LRP2: variants seen among roughly 807,000 people sequenced by gnomAD.
LRP2 encodes LDL receptor related protein 2.
LRP2 carries 172 observed loss-of-function variants against 531.0 expected under a neutral mutation model. That is an observed-to-expected ratio of 0.32 (90% confidence interval 0.29 to 0.37). The LOEUF is 0.37. Among genes scored for constraint, LRP2 ranks in the 10% least tolerant of loss-of-function variants. The pLI, the probability that LRP2 is intolerant of heterozygous loss-of-function variation, is 1.00. For missense variants in LRP2, 5,167 were observed against 5,868.3 expected, an observed-to-expected ratio of 0.88 and a Z score of 3.90; for synonymous variants, 1,992 against 2,027.6, an observed-to-expected ratio of 0.98 and a Z score of 0.47.
Position 169,226,338 on chromosome 2 carries a change from C to T in LRP2, c.5394+84G>A, listed in dbSNP as rs929959876. On this transcript the variant is annotated intron_variant, in intron 32 of 78. Transcript: ENST00000649046. ...CATTGTTTCCCTTTTACTCACATGACAAAAGTTTGCTTATAAGAAAACATC... is the reference window on the plus strand; with the variant it reads ...CATTGTTTCCCTTTTACTCACATGATAAAAGTTTGCTTATAAGAAAACATC... The T allele has an allele frequency of 4.4e-6, 5 of 1,137,788 alleles. No individual in the cohort carries two copies. In the African/African-American group the frequency reaches 6.2e-5, roughly 14 times the overall value. 70.5% of individuals were successfully genotyped at this position (1,137,788 alleles called of 1,614,324 possible). A position where few individuals can be genotyped will look rare whatever the true frequency, so the allele number is the denominator to read the frequency against.
Position 169,225,473 on chromosome 2 carries a change from G to C in LRP2, c.5395-20C>G. 1 of 1,613,628 alleles carries C rather than the reference G, an allele frequency of 6.2e-7. No homozygotes were observed. Among genetic ancestry groups the C allele is most frequent in the Non-Finnish European group, 8.5e-7 (1 of 1,179,782 alleles). On this transcript the variant is annotated intron_variant, in intron 32 of 78. Transcript: ENST00000649046. ...TTCACCCTGGAAAGAAAGACAAGGG[G>C]AGGTGAGCAGTTCCAAGGCCATGGC...
chr2:169,129,121 T>C (rs1421447256), intron 77 of LRP2, 37 bp from the exon 78 acceptor site: 2 of 1,391,234 alleles, frequency 1.4e-6, no homozygotes, highest in Admixed American at 1.7e-5. Context: ...CTCTCAGTAA[T>C]GGAATTATTT....
intron 35 of LRP2, among the ~76,000 whole-genome samples, chr2:169,215,421 CGA>C (rs1553498212): frequency 6.6e-6 from 1 of 152,050 alleles, no homozygotes; most frequent in Non-Finnish European, 1.5e-5. Context: ...AATGAGTGAA[CGA>C]GACTTTATAG....
At chr2:169,287,694 T>C (rs965033639) in intron 9 of LRP2, among the ~76,000 whole-genome samples, 5 of 151,554 alleles carry the variant, frequency 3.3e-5, no homozygotes, top group African/African-American at 1.2e-4. Flanking sequence ...TTTCTGGCTA[T>C]GAGTAGTTGT....
intron 1 of LRP2, among the ~76,000 whole-genome samples, chr2:169,342,426 C>T (rs186780280): frequency 2.8e-4 from 42 of 152,246 alleles, no homozygotes; most frequent in African/African-American, 9.6e-4. Flanking sequence ...ATCTGTCACC[C>T]AGATAATCCC....
At chr2:169,284,193 C>T (rs747792321) in intron 9 of LRP2, among the ~76,000 whole-genome samples, 1 of 151,644 alleles carries the variant, frequency 6.6e-6, no homozygotes, top group Non-Finnish European at 1.5e-5. Flanking sequence ...CTGGGTGGCC[C>T]ACCATTCCAT....
At chr2:169,293,764 A>G (rs1396402788) in intron 6 of LRP2, among the ~76,000 whole-genome samples, 2 of 152,086 alleles carry the variant, frequency 1.3e-5, no homozygotes, top group Admixed American at 1.3e-4. Flanking sequence ...AGTTAGAGCC[A>G]CTCCTAGGAA....
At chr2:169,152,155 C>G (rs1052125470) in intron 67 of LRP2, among the ~76,000 whole-genome samples, 2 of 152,146 alleles carry the variant, frequency 1.3e-5, no homozygotes, top group South Asian at 2.1e-4. Flanking sequence ...TGATGATAAC[C>G]CTACTTAAGT....
chr2:169,180,288 A>T (rs867624575), intron 52 of LRP2, among the ~76,000 whole-genome samples: 2 of 152,242 alleles, frequency 1.3e-5, no homozygotes, highest in African/African-American at 4.8e-5. Context: ...GAGAGGATAC[A>T]CACACTGTGG....
In LRP2 at chr2:169,244,812, T is replaced by C. The variant is rs144906000; in HGVS notation, c.3311A>G (p.His1104Arg). ...GGTGTCAAGGCAGGAAGCAGGTGCG[T>C]GGGTGGGGCAGTTGTGCTCATCACT... is the stretch of plus-strand genomic sequence containing the variant. ...DGSDEHNCPTHAPASCLDTQY... is the reference protein window; with the variant it reads ...DGSDEHNCPTRAPASCLDTQY... The change falls in exon 22 of 79, where the codon CAC becomes CGC. Residue 1104 changes from histidine to arginine, a missense_variant. Physicochemically the swap from His to Arg is conservative, Grantham distance 29. Around this residue, in one of 6 missense-constraint regions of LRP2, gnomAD observed 2,811 missense variants for 3,058.0 expected, o/e 0.92. Transcript: ENST00000649046. 195 of 1,614,250 alleles carry C rather than the reference T, an allele frequency of 1.2e-4. No individual in the cohort carries two copies. The African/African-American group carries it at 2.1e-3, about 18-fold the overall frequency.
intron 52 of LRP2, 42 bp from the exon 53 acceptor site, chr2:169,178,068 C>T (rs1475086282): frequency 8.7e-6 from 12 of 1,374,778 alleles, no homozygotes; most frequent in Non-Finnish European, 1.2e-5. Context: ...AAAGGTAATT[C>T]CTCTCCTCTA....
intron 37 of LRP2, among the ~76,000 whole-genome samples, chr2:169,210,082 G>A (rs1688540910): frequency 6.6e-6 from 1 of 152,082 alleles, no homozygotes; most frequent in Admixed American, 6.6e-5. Context: ...TATTTAAAAA[G>A]TAAACCGGGG....
chr2:169,137,279 C>T (rs1319335582), intron 76 of LRP2, 113 bp downstream of exon 76: 1 of 825,762 alleles, frequency 1.2e-6, no homozygotes, highest in Non-Finnish European at 2.1e-6. Context: ...ATGGACCACT[C>T]ACTATGCTTC....
chr2:169,129,649 T>C (rs1174065167), intron 77 of LRP2, among the ~76,000 whole-genome samples: 1 of 152,210 alleles, frequency 6.6e-6, no homozygotes, highest in Non-Finnish European at 1.5e-5. Context: ...TTTCTGATTT[T>C]TTTTAACAAA....
At chr2:169,153,276 A>G (rs1331418034) in intron 66 of LRP2, among the ~76,000 whole-genome samples, 1 of 152,226 alleles carries the variant, frequency 6.6e-6, no homozygotes, top group Non-Finnish European at 1.5e-5. Flanking sequence ...CTAGTTTCCA[A>G]AACAGAATGT....
At chr2:169,193,965 T>C in intron 46 of LRP2, 73 bp from the exon 47 acceptor site, 3 of 1,544,986 alleles carry the variant, frequency 1.9e-6, no homozygotes, top group South Asian at 1.1e-5. Context: ...AAGCTGGTTG[T>C]AGCATGGGTT....
At chr2:169,256,473 G>A (rs1227639240) in intron 18 of LRP2, among the ~76,000 whole-genome samples, 1 of 151,968 alleles carries the variant, frequency 6.6e-6, no homozygotes, top group African/African-American at 2.4e-5. Context: ...TGCTATCTTT[G>A]AGCCAGAAAT....
chr2:169,173,025 T>A, intron 57 of LRP2, 71 bp downstream of exon 57: 1 of 1,577,508 alleles, frequency 6.3e-7, no homozygotes, highest in Non-Finnish European at 8.7e-7. Context: ...CTCTCATCTC[T>A]CATCTAATAA....
intron 9 of LRP2, among the ~76,000 whole-genome samples, chr2:169,288,686 A>T (rs533764274): frequency 3.9e-5 from 6 of 152,354 alleles, no homozygotes; most frequent in Admixed American, 2.0e-4. Flanking sequence ...TCATGGAAGT[A>T]GTTCAGTATT....
Sources: allele counts gnomAD v4.1 joint callset (sites outside exome capture counted in the v4.1 genomes callset), GRCh38; gene constraint gnomAD v4.1.1; regional missense constraint gnomAD v4.1.1; transcripts MANE v1.5; gene names NCBI Gene and HGNC (gene_info 2026-07-23, HGNC 2026-07-21).